ENOX1: variants seen among roughly 807,000 people sequenced by gnomAD.
The protein encoded by ENOX1 is ecto-NOX disulfide-thiol exchanger 1.
A neutral mutation model predicts 82.5 loss-of-function variants in ENOX1; 42 were observed. That is an observed-to-expected ratio of 0.51 (90% CI 0.40 to 0.66). The LOEUF is 0.66. Among genes scored for constraint, ENOX1 ranks in the 30% least tolerant of loss-of-function variants. The pLI, the probability that ENOX1 is intolerant of heterozygous loss-of-function variation, is 0.00. For missense variants in ENOX1, 608 were observed against 811.6 expected, an observed-to-expected ratio of 0.75 and a Z score of 3.05; for synonymous variants, 271 against 282.2, an observed-to-expected ratio of 0.96 and a Z score of 0.40.
chr13:43,480,369 C>A (rs1196180015), intron 3 of ENOX1, among the ~76,000 whole-genome samples: 1 of 152,084 alleles, frequency 6.6e-6, no homozygotes, highest in Non-Finnish European at 1.5e-5. Flanking sequence ...ACCTATTTGG[C>A]CTCTAAAACT....
At chr13:43,264,638 C>T (rs2153478482) in intron 14 of ENOX1, among the ~76,000 whole-genome samples, 1 of 152,140 alleles carries the variant, frequency 6.6e-6, no homozygotes, top group South Asian at 2.1e-4. Context: ...ATTCTGTGTT[C>T]AGTGAAAAGA....
chr13:43,630,537 G>A (rs1041279434), intron 2 of ENOX1, among the ~76,000 whole-genome samples: 1 of 151,948 alleles, frequency 6.6e-6, no homozygotes, highest in Non-Finnish European at 1.5e-5. Context: ...TACTTCAAAA[G>A]CTGAAGCTCC....
intron 1 of ENOX1, among the ~76,000 whole-genome samples, chr13:43,725,784 G>A (rs2088902933): frequency 6.6e-6 from 1 of 150,762 alleles, no homozygotes; most frequent in South Asian, 2.1e-4. Context: ...TGGGCAACAT[G>A]GCAAAACCTC....
intron 14 of ENOX1, among the ~76,000 whole-genome samples, chr13:43,253,989 T>C (rs1232992144): frequency 6.6e-6 from 1 of 152,250 alleles, no homozygotes; most frequent in Non-Finnish European, 1.5e-5. Context: ...AAGTCATGTC[T>C]GTATGTTTGT....
At chr13:43,655,945 T>C (rs2153780918) in intron 2 of ENOX1, among the ~76,000 whole-genome samples, 1 of 152,334 alleles carries the variant, frequency 6.6e-6, no homozygotes, top group Admixed American at 6.5e-5. Context: ...ATATCCAGAA[T>C]ATCCTGGGGC....
chr13:43,676,355 G>A (rs111966993), intron 1 of ENOX1, among the ~76,000 whole-genome samples: 55 of 152,268 alleles, frequency 3.6e-4, no homozygotes, highest in Middle Eastern at 3.4e-3. Context: ...GCTAGGGGCA[G>A]GACTGGGAAG....
chr13:43,452,058 CT>C (rs1318804664), intron 3 of ENOX1, among the ~76,000 whole-genome samples: 1 of 152,174 alleles, frequency 6.6e-6, no homozygotes, highest in Non-Finnish European at 1.5e-5. Flanking sequence ...TCCACACTTA[CT>C]TTTTCCTTTA....
At chr13:43,443,495 T>A (rs978981822) in intron 3 of ENOX1, among the ~76,000 whole-genome samples, 3 of 152,226 alleles carry the variant, frequency 2.0e-5, no homozygotes, top group Non-Finnish European at 4.4e-5. Flanking sequence ...TAAATATGCA[T>A]GGAAGTCCCG....
chr13:43,746,577 C>T (rs1004957376), intron 1 of ENOX1, among the ~76,000 whole-genome samples: 2 of 151,988 alleles, frequency 1.3e-5, no homozygotes, highest in Non-Finnish European at 2.9e-5. Context: ...AGAAAATCAC[C>T]TGAACATAAA....
At chr13:43,751,098 G>GT (rs1424263891) in intron 1 of ENOX1, among the ~76,000 whole-genome samples, 12 of 152,076 alleles carry the variant, frequency 7.9e-5, no homozygotes, top group Admixed American at 5.2e-4. Context: ...CACATTCCTC[G>GT]TAAGTCCCCA....
At chr13:43,661,370 G>C (rs1457724459) in intron 2 of ENOX1, among the ~76,000 whole-genome samples, 1 of 152,178 alleles carries the variant, frequency 6.6e-6, no homozygotes, top group Non-Finnish European at 1.5e-5. Flanking sequence ...CATAGGGTCT[G>C]GGTAGGAGGC....
chr13:43,680,988 A>G (rs2153797541), intron 1 of ENOX1, among the ~76,000 whole-genome samples: 2 of 152,238 alleles, frequency 1.3e-5, no homozygotes, highest in Admixed American at 1.3e-4. Flanking sequence ...AAAGGAGAGA[A>G]AGAGAGAGCA....
At chr13:43,449,850 C>T (rs190256596) in intron 3 of ENOX1, among the ~76,000 whole-genome samples, 6 of 152,300 alleles carry the variant, frequency 3.9e-5, no homozygotes, top group Admixed American at 3.9e-4. Flanking sequence ...TGGTAACACA[C>T]TAGCTGCTCC....
chr13:43,388,023 C>A (rs911326712), intron 5 of ENOX1, among the ~76,000 whole-genome samples: 10 of 152,044 alleles, frequency 6.6e-5, no homozygotes, highest in African/African-American at 2.4e-4. Context: ...GTCAATGAAA[C>A]CGGAGGTTAC....
rs892528523 is a variant in ENOX1, at chr13:43,238,126, T to C, written c.1612-1388A>G. On this transcript the variant is annotated intron_variant, in intron 14 of 16. Coordinates refer to ENST00000690772, the MANE Select transcript of ENOX1 (RefSeq NM_001347969.2). ...GAGGGTATAACAGGCCTCAGGCTGATGGTAGGAAAATCCCAATAAGGACAG... is the reference window on the plus strand; with the variant it reads ...GAGGGTATAACAGGCCTCAGGCTGACGGTAGGAAAATCCCAATAAGGACAG... Among the ~76,000 whole-genome samples, 42 of 152,276 alleles carry C rather than the reference T, an allele frequency of 2.8e-4. 1 individual carries two copies. The highest frequency in any genetic ancestry group is 9.6e-4 in the African/African-American group (40 of 41,556).
intron 11 of ENOX1, among the ~76,000 whole-genome samples, chr13:43,299,532 A>G (rs528459762): frequency 4.6e-5 from 7 of 152,266 alleles, no homozygotes; most frequent in African/African-American, 1.4e-4. Context: ...GAAGTTATGT[A>G]ACTCATCCAA....
At chr13:43,413,952 T>C (rs980116127) in intron 3 of ENOX1, among the ~76,000 whole-genome samples, 3 of 151,940 alleles carry the variant, frequency 2.0e-5, no homozygotes, top group Admixed American at 2.0e-4. Flanking sequence ...AGATTAGATA[T>C]AACAACTAAG....
chr13:43,760,451 G>A (rs1950900207), intron 1 of ENOX1, among the ~76,000 whole-genome samples: 1 of 152,132 alleles, frequency 6.6e-6, no homozygotes, highest in African/African-American at 2.4e-5. Context: ...CCCACTGCAT[G>A]CTGTCCCCTG....
intron 2 of ENOX1, among the ~76,000 whole-genome samples, chr13:43,627,164 C>A (rs1046955006): frequency 6.6e-6 from 1 of 151,946 alleles, no homozygotes; most frequent in Admixed American, 6.6e-5. Flanking sequence ...TTTCAATGTG[C>A]ATATGTCATT....
Sources: gnomAD v4.1 joint callset for allele counts (sites outside exome capture counted in the v4.1 genomes callset) on GRCh38, gnomAD v4.1.1 for gene constraint, MANE v1.5 for transcripts, NCBI Gene and HGNC (gene_info 2026-07-23, HGNC 2026-07-21) for gene names.